ZPBP: variants seen among roughly 807,000 people sequenced by gnomAD.
ZPBP encodes zona pellucida-binding protein 1.
Under a neutral mutation model 44.8 loss-of-function variants are expected in ZPBP, and 26 were observed. The ratio of observed to expected loss-of-function variants is 0.58; its 90% CI spans 0.43 to 0.81. The LOEUF (loss-of-function observed/expected upper bound fraction) is 0.81. Among genes scored for constraint, ZPBP ranks in the 30% least tolerant of loss-of-function variants. The probability of loss-of-function intolerance (pLI) is 0.00; values close to 1 mark genes in which losing one functional copy is unlikely to be tolerated. For synonymous variants in ZPBP, 174 were observed against 153.2 expected (o/e 1.14, Z -1.00); for missense variants, 409 against 434.0 (o/e 0.94, Z 0.51).
At chr7:50,005,235 C>T (rs1220366859) in intron 6 of ZPBP, among the ~76,000 whole-genome samples, 1 of 151,906 alleles carries the variant, frequency 6.6e-6, no homozygotes, top group African/African-American at 2.4e-5. Flanking sequence ...TAAACAACAA[C>T]TGAGGAAGTT....
chr7:50,032,121 T>C (rs948442181), intron 4 of ZPBP, among the ~76,000 whole-genome samples: 1 of 152,188 alleles, frequency 6.6e-6, no homozygotes, highest in Non-Finnish European at 1.5e-5. Flanking sequence ...TTAGCTACTG[T>C]CCATCTTTGT....
At chr7:50,007,281 T>C (rs541482053) in intron 6 of ZPBP, among the ~76,000 whole-genome samples, 16 of 152,054 alleles carry the variant, frequency 1.1e-4, no homozygotes, top group African/African-American at 3.9e-4. Flanking sequence ...ACAAATTGGA[T>C]AACCTAGATA....
intron 2 of ZPBP, among the ~76,000 whole-genome samples, chr7:49,882,366 T>C (rs895738096): frequency 6.6e-6 from 1 of 152,174 alleles, no homozygotes; most frequent in Admixed American, 6.6e-5. Context: ...AACATATCAG[T>C]ATTTCACGTC....
chr7:49,921,889 T>C (rs1314626873), intron 1 of ZPBP: 1 of 152,168 alleles, frequency 6.6e-6, no homozygotes, highest in African/African-American at 2.4e-5. Flanking sequence ...CGAATTTGTA[T>C]GTATTGTTGG....
intron 5 of ZPBP, among the ~76,000 whole-genome samples, chr7:50,021,374 TAAC>T (rs1460700941): frequency 6.6e-6 from 1 of 151,958 alleles, no homozygotes; most frequent in Admixed American, 6.6e-5. Context: ...AGAAAATTGT[TAAC>T]AACTGAAATG....
At chr7:49,851,535 G>C (rs534623020) in intron 2 of ZPBP, among the ~76,000 whole-genome samples, 1 of 152,336 alleles carries the variant, frequency 6.6e-6, no homozygotes, top group Admixed American at 6.5e-5. Flanking sequence ...AGTGAACAGA[G>C]TCCAGGCTCT....
At chr7:49,917,990 A>C (rs1231849524) in intron 1 of ZPBP, 3 of 152,334 alleles carry the variant, frequency 2.0e-5, no homozygotes, top group Non-Finnish European at 4.4e-5. Context: ...AGTATCCAGT[A>C]AGTAATATAC....
At chr7:49,994,731 C>A (rs1250962322) in intron 6 of ZPBP, among the ~76,000 whole-genome samples, 1 of 152,168 alleles carries the variant, frequency 6.6e-6, no homozygotes, top group Admixed American at 6.5e-5. Flanking sequence ...GGGCTCCAAG[C>A]AGCATCCTTA....
intron 5 of ZPBP, among the ~76,000 whole-genome samples, chr7:50,025,358 G>A (rs1430296479): frequency 6.6e-6 from 1 of 151,710 alleles, no homozygotes; most frequent in Non-Finnish European, 1.5e-5. Context: ...AAATACAGAG[G>A]ACCAACATTA....
chr7:49,915,774 A>C (rs1793690199), intron 1 of ZPBP: 2 of 152,190 alleles, frequency 1.3e-5, no homozygotes, highest in African/African-American at 4.8e-5. Flanking sequence ...CCTACTTTTC[A>C]TTGTTATTTT....
chr7:49,976,508 AC>A (rs1237438120), intron 7 of ZPBP, among the ~76,000 whole-genome samples: 1 of 151,306 alleles, frequency 6.6e-6, no homozygotes, highest in Non-Finnish European at 1.5e-5. Flanking sequence ...ATTTCCACAC[AC>A]CCCCTTCTAT....
intron 7 of ZPBP, among the ~76,000 whole-genome samples, chr7:49,938,126 G>A (rs1243642172): frequency 6.6e-6 from 1 of 152,030 alleles, no homozygotes; most frequent in Non-Finnish European, 1.5e-5. Context: ...TGGGGGTTGG[G>A]GACCCCTGCT....
chr7:49,987,456 G>T (rs535280761), intron 6 of ZPBP, among the ~76,000 whole-genome samples: 1 of 152,150 alleles, frequency 6.6e-6, no homozygotes, highest in Non-Finnish European at 1.5e-5. Flanking sequence ...AAACAGAAAA[G>T]GTGCCACAAA....
chr7:49,981,356 A>AT (rs1562819242), intron 7 of ZPBP, among the ~76,000 whole-genome samples: 16 of 14,146 alleles, frequency 1.1e-3, no homozygotes, highest in African/African-American at 3.7e-3. Context: ...TATAATATAT[A>AT]TTATATATAA....
intron 3 of ZPBP, among the ~76,000 whole-genome samples, chr7:50,079,996 A>G (rs1451156315): frequency 6.6e-6 from 1 of 151,722 alleles, no homozygotes; most frequent in Admixed American, 6.6e-5. Context: ...CTTGCTCCCT[A>G]TGTTTCATAA....
intron 1 of ZPBP, among the ~76,000 whole-genome samples, chr7:49,931,401 A>G (rs951170718): frequency 6.6e-6 from 1 of 152,202 alleles, no homozygotes; most frequent in African/African-American, 2.4e-5. Flanking sequence ...TGATAGCAAT[A>G]TGGACAATGA....
intron 6 of ZPBP, among the ~76,000 whole-genome samples, chr7:50,016,380 G>C (rs1161994219): frequency 1.3e-5 from 2 of 152,060 alleles, no homozygotes; most frequent in African/African-American, 2.4e-5. Context: ...TGGACACAGA[G>C]AGGAACAACA....
chr7:50,078,750 G>A lies in ZPBP; in HGVS notation c.334+3024C>T, dbSNP rs80337082. The stretch of plus-strand genomic sequence containing the variant: ...AACTAAGGAGCTCTGCATAGTAAAA[G>A]AAACTATCAACAAAGTAAACAAACA... On this transcript the variant is annotated intron_variant, in intron 3 of 7. Transcript: ENST00000046087. 3.7e-3 allele frequency among the ~76,000 whole-genome samples: 554 copies of A among 151,614 alleles called. 3 individuals are homozygous for A. The highest frequency in any genetic ancestry group is 0.013 in the African/African-American group (531 of 41,472).
chr7:49,888,312 G>A (rs573419900), intron 2 of ZPBP, among the ~76,000 whole-genome samples: 7 of 152,048 alleles, frequency 4.6e-5, no homozygotes, highest in Admixed American at 3.3e-4. Flanking sequence ...GGTATTTGTC[G>A]ATTTTGTTAA....
Sources: allele counts gnomAD v4.1 joint callset (sites outside exome capture counted in the v4.1 genomes callset), GRCh38; gene constraint gnomAD v4.1.1; transcripts MANE v1.5; gene names NCBI Gene and HGNC (gene_info 2026-07-23, HGNC 2026-07-21).